AKAP6: variants seen among roughly 807,000 people sequenced by gnomAD.
AKAP6 encodes A-kinase anchor protein 6.
AKAP6 carries 58 observed loss-of-function variants against 188.5 expected under a neutral mutation model. The observed-to-expected ratio is 0.31, with a 90% CI of 0.25 to 0.38. The LOEUF (loss-of-function observed/expected upper bound fraction) is 0.38. Ranked by LOEUF, AKAP6 falls within the 10% of genes least tolerant of loss-of-function variation. AKAP6 has a pLI of 1.00. For synonymous variants in AKAP6, 989 were observed against 998.6 expected, an observed-to-expected ratio of 0.99 and a Z score of 0.18; for missense variants, 2,710 against 2,740.0, an observed-to-expected ratio of 0.99 and a Z score of 0.24.
At chr14:32,352,265 T>G (rs1421699846) in intron 1 of AKAP6, among the ~76,000 whole-genome samples, 5 of 151,336 alleles carry the variant, frequency 3.3e-5, no homozygotes, top group Non-Finnish European at 2.9e-5. Flanking sequence ...TTTTTTTTTT[T>G]GGTTTTATTT....
intron 7 of AKAP6, among the ~76,000 whole-genome samples, chr14:32,624,327 C>A (rs1482476002): frequency 6.6e-6 from 1 of 152,088 alleles, no homozygotes; most frequent in Non-Finnish European, 1.5e-5. Context: ...GACATTTCTG[C>A]ATCCTGCATT....
rs1441894519 is a variant in AKAP6 at position 32,835,214 on chromosome 14, T to C, written c.*5409T>C. The stretch of plus-strand genomic sequence containing the variant: ...TAAATTCCGACACATTTTCTTAGGA[T>C]AGATTTCCATTTGCAAATTCAGTGT... On this transcript the variant is annotated 3_prime_UTR_variant, in exon 14 of 14. Transcript: ENST00000280979. The C allele has an allele frequency of 6.6e-6, 1 of 152,234 alleles. No individual in the cohort carries two copies. Among genetic ancestry groups the C allele is most frequent in the Non-Finnish European group, 1.5e-5 (1 of 68,038 alleles). The allele number at this position is 152,234 out of a possible 1,614,324, so 9.4% of individuals were successfully genotyped here.
chr14:32,658,732 T>C (rs978728560), intron 7 of AKAP6, among the ~76,000 whole-genome samples: 1 of 151,306 alleles, frequency 6.6e-6, no homozygotes, highest in Non-Finnish European at 1.5e-5. Context: ...TATCAGTGAT[T>C]ATATGAAGCA....
At chr14:32,673,315 G>A (rs892926926) in intron 7 of AKAP6, among the ~76,000 whole-genome samples, 3 of 152,300 alleles carry the variant, frequency 2.0e-5, no homozygotes, top group Non-Finnish European at 4.4e-5. Context: ...CTGTTGGCAT[G>A]GCTCTCTCTT....
intron 12 of AKAP6, among the ~76,000 whole-genome samples, chr14:32,800,880 A>G (rs894975408): frequency 3.9e-5 from 6 of 152,034 alleles, no homozygotes; most frequent in Non-Finnish European, 2.9e-5. Context: ...AGCTGGGCAT[A>G]GTGGTGCATA....
chr14:32,549,594 C>T (rs1883363125), intron 4 of AKAP6, among the ~76,000 whole-genome samples: 1 of 152,138 alleles, frequency 6.6e-6, no homozygotes, highest in Non-Finnish European at 1.5e-5. Flanking sequence ...CACCAGGCAC[C>T]CACAGCAACT....
chr14:32,540,099 A>G (rs1882854865), intron 3 of AKAP6, among the ~76,000 whole-genome samples: 1 of 145,318 alleles, frequency 6.9e-6, no homozygotes, highest in African/African-American at 2.5e-5. Context: ...TAGAATTAGA[A>G]AAAAAAAAGG....
chr14:32,493,443 T>A (rs1880146067), intron 2 of AKAP6, among the ~76,000 whole-genome samples: 1 of 152,104 alleles, frequency 6.6e-6, no homozygotes, highest in African/African-American at 2.4e-5. Context: ...ACTCCAGGGC[T>A]CAAGTGATCC....
At chr14:32,807,711 A>G (rs2034126259) in intron 12 of AKAP6, among the ~76,000 whole-genome samples, 1 of 152,242 alleles carries the variant, frequency 6.6e-6, no homozygotes, top group South Asian at 2.1e-4. Context: ...GGAAATAAAG[A>G]ACTTTTCCTG....
At chr14:32,359,626 G>A (rs1566463156) in intron 1 of AKAP6, among the ~76,000 whole-genome samples, 1 of 146,430 alleles carries the variant, frequency 6.8e-6, no homozygotes, top group Non-Finnish European at 1.5e-5. Flanking sequence ...GTCCTACATT[G>A]CATTTAGTTA....
chr14:32,363,229 T>C (rs1197462195), intron 1 of AKAP6, among the ~76,000 whole-genome samples: 1 of 152,136 alleles, frequency 6.6e-6, no homozygotes, highest in East Asian at 1.9e-4. Flanking sequence ...ATGTACTAAG[T>C]GCTGTGGGAA....
intron 8 of AKAP6, among the ~76,000 whole-genome samples, chr14:32,690,374 A>G (rs930947228): frequency 3.9e-5 from 6 of 152,156 alleles, no homozygotes; most frequent in African/African-American, 1.4e-4. Context: ...TAAATACCAA[A>G]GGCTGAATGC....
At chr14:32,507,575 T>C (rs1880944204) in intron 2 of AKAP6, among the ~76,000 whole-genome samples, 1 of 151,978 alleles carries the variant, frequency 6.6e-6, no homozygotes, top group African/African-American at 2.4e-5. Flanking sequence ...ATCCTTTTTT[T>C]CCTTCCTACA....
At position 32,773,902 on chromosome 14, in the gene AKAP6, T is replaced by A. The variant is rs370805487; in HGVS notation, c.3588+9T>A. 2.4e-5 allele frequency: 39 copies of A among 1,612,334 alleles called. No individual in the cohort carries two copies. The African/African-American group carries it at 3.3e-4, about 14-fold the overall frequency. On this transcript the variant is annotated intron_variant, in intron 12 of 13. Coordinates refer to ENST00000280979, the MANE Select transcript of AKAP6 (RefSeq NM_004274.5). ...AGATGGGAAAGGAATCTGTGAGTGA[T>A]GCTTTTTTTAAGCATAATTGTCTGT...
intron 3 of AKAP6, among the ~76,000 whole-genome samples, chr14:32,543,441 A>T (rs1354228753): frequency 6.6e-6 from 1 of 152,132 alleles, no homozygotes; most frequent in African/African-American, 2.4e-5. Context: ...TTATCCATTC[A>T]CCTGCTGATG....
At chr14:32,688,533 T>A (rs1037703348) in intron 8 of AKAP6, among the ~76,000 whole-genome samples, 1 of 152,164 alleles carries the variant, frequency 6.6e-6, no homozygotes, top group African/African-American at 2.4e-5. Flanking sequence ...ACCCAAAGAA[T>A]AAAATGAAAT....
At position 32,553,857 on chromosome 14, in the gene AKAP6, A is replaced by C. The variant is rs150241492; in HGVS notation, c.2346+6858A>C. Among the ~76,000 whole-genome samples, 5 of 152,308 alleles carry C rather than the reference A, an allele frequency of 3.3e-5. No homozygotes were observed. In the East Asian group the frequency reaches 9.6e-4, roughly 29 times the overall value. On this transcript the variant is annotated intron_variant, in intron 4 of 13. Coordinates refer to ENST00000280979, the MANE Select transcript of AKAP6 (RefSeq NM_004274.5). ...GATTTACCCAGAACCCATTGTGTGA[A>C]TAAATTACTAGAGCATCTTAGGTCT... is the stretch of plus-strand genomic sequence containing the variant.
chr14:32,565,969 A>G (rs1241504987), intron 4 of AKAP6, among the ~76,000 whole-genome samples: 1 of 152,172 alleles, frequency 6.6e-6, no homozygotes, highest in Non-Finnish European at 1.5e-5. Context: ...CTTGATGCCC[A>G]AAGAGTGAGT....
chr14:32,471,498 T>A (rs1304601623), intron 2 of AKAP6, among the ~76,000 whole-genome samples: 1 of 152,232 alleles, frequency 6.6e-6, no homozygotes, highest in Non-Finnish European at 1.5e-5. Context: ...ATAGTTTAAG[T>A]CTTTCTTGTC....
Sources: gnomAD v4.1 joint callset for allele counts (sites outside exome capture counted in the v4.1 genomes callset) on GRCh38, gnomAD v4.1.1 for gene constraint, MANE v1.5 for transcripts, NCBI Gene and HGNC (gene_info 2026-07-23, HGNC 2026-07-21) for gene names.